The following AMMECR1 variants were observed in gnomAD, a reference collection of about 807,000 sequenced individuals.
AMMECR1 encodes AMMECR nuclear protein 1.
In AMMECR1, 3 loss-of-function variants were observed where a neutral mutation model predicts 22.5. The ratio of observed to expected loss-of-function variants is 0.13; its 90% CI spans 0.06 to 0.35. The LOEUF is 0.35. AMMECR1 is among the 10% of genes least tolerant of loss of function. The pLI, the probability that AMMECR1 is intolerant of heterozygous loss-of-function variation, is 1.00. For missense variants in AMMECR1, 235 were observed against 278.7 expected, an observed-to-expected ratio of 0.84 and a Z score of 1.12; for synonymous variants, 130 against 116.7, an observed-to-expected ratio of 1.11 and a Z score of -0.74.
chrX:110,367,940 T>C (rs2068308495), intron 2 of AMMECR1, among the ~76,000 whole-genome samples: 1 of 108,536 alleles, frequency 9.2e-6, no homozygotes, highest in Non-Finnish European at 1.9e-5. Flanking sequence ...TTCCCAGTAG[T>C]TGGAACTACA....
intron 1 of AMMECR1, among the ~76,000 whole-genome samples, chrX:110,435,388 G>A (rs183458197): frequency 6.2e-5 from 7 of 112,303 alleles, no homozygotes; most frequent in Admixed American, 9.3e-5. Context: ...CACTGACTGC[G>A]TCTCCACTGC....
chrX:110,273,252 G>T (rs2067808797), intron 1 of AMMECR1, among the ~76,000 whole-genome samples: 1 of 111,593 alleles, frequency 9.0e-6, no homozygotes, highest in African/African-American at 3.3e-5. Flanking sequence ...TTTGCATGAA[G>T]ATTCGCGATG....
chrX:110,233,695 G>A (rs753019719), intron 2 of AMMECR1, among the ~76,000 whole-genome samples: 14 of 112,129 alleles, frequency 1.2e-4, no homozygotes, highest in African/African-American at 3.9e-4. Context: ...ATCAATAAAC[G>A]TAATCCATTA....
At chrX:110,342,917 G>A (rs546636330) in intron 2 of AMMECR1, among the ~76,000 whole-genome samples, 321 of 111,679 alleles carry the variant, frequency 2.9e-3, no homozygotes, top group African/African-American at 9.8e-3. Context: ...AGGGGTACAA[G>A]GAGGAGCTGG....
At chrX:110,435,465 C>A (rs894623593) in intron 1 of AMMECR1, among the ~76,000 whole-genome samples, 8 of 112,085 alleles carry the variant, frequency 7.1e-5, no homozygotes, top group African/African-American at 2.6e-4. Context: ...CACAGCTGGT[C>A]TCCTAGGAGT....
chrX:110,249,840 CA>C (rs934261190), intron 2 of AMMECR1, among the ~76,000 whole-genome samples: 3 of 110,793 alleles, frequency 2.7e-5, no homozygotes, highest in African/African-American at 9.9e-5. Flanking sequence ...GCAGAGGTTG[CA>C]GTGAGCTGAG....
At chrX:110,308,014 C>T (rs777889263) in intron 1 of AMMECR1, among the ~76,000 whole-genome samples, 1 of 107,849 alleles carries the variant, frequency 9.3e-6, no homozygotes, top group Non-Finnish European at 1.9e-5. Flanking sequence ...GGACTACAGG[C>T]GCATGCCATC....
chrX:110,282,729 G>A lies in AMMECR1; in HGVS notation c.474-18130C>T, dbSNP rs762051374. ...AAATGTAAGATTATGGTGCTGATGG[G>A]GTACACCATGAGAGATTATGCCTTG... On this transcript the variant is annotated intron_variant, in intron 1 of 5. Coordinates refer to ENST00000262844, the MANE Select transcript of AMMECR1 (RefSeq NM_015365.3). Among the ~76,000 whole-genome samples the A allele has an allele frequency of 7.2e-5, 8 of 111,482 alleles. 1 individual carries two copies. Among genetic ancestry groups the A allele is most frequent in the African/African-American group, 2.6e-4 (8 of 30,669 alleles).
At chrX:110,213,134 A>T (rs1340578948) in intron 3 of AMMECR1, among the ~76,000 whole-genome samples, 1 of 112,194 alleles carries the variant, frequency 8.9e-6, no homozygotes, top group Non-Finnish European at 1.9e-5. Flanking sequence ...TGCCATTTTA[A>T]CAATTTTAAA....
chrX:110,324,410 A>G (rs1179557559), intron 2 of AMMECR1, among the ~76,000 whole-genome samples: 1 of 111,417 alleles, frequency 9.0e-6, no homozygotes, highest in Non-Finnish European at 1.9e-5. Flanking sequence ...GTGTCATCTG[A>G]TAGTTTTACT....
intron 2 of AMMECR1, among the ~76,000 whole-genome samples, chrX:110,405,153 A>AGG (rs1159220967): frequency 1.0e-5 from 1 of 97,890 alleles, no homozygotes; most frequent in African/African-American, 3.7e-5. Context: ...ATTTTCTAAG[A>AGG]GGTGCTGTTG....
intron 1 of AMMECR1, among the ~76,000 whole-genome samples, chrX:110,437,330 A>G (rs2068846036): frequency 8.9e-6 from 1 of 112,190 alleles, no homozygotes; most frequent in Admixed American, 9.4e-5. Flanking sequence ...ATTTTTATTA[A>G]GCATTTCCTT....
chrX:110,389,444 C>A (rs2068479829), intron 2 of AMMECR1, among the ~76,000 whole-genome samples: 1 of 112,128 alleles, frequency 8.9e-6, no homozygotes, highest in Non-Finnish European at 1.9e-5. Context: ...CCACTTAGGT[C>A]TGCCACAAGT....
intron 2 of AMMECR1, among the ~76,000 whole-genome samples, chrX:110,403,566 C>T (rs770594234): frequency 9.0e-6 from 1 of 111,345 alleles, no homozygotes; most frequent in Non-Finnish European, 1.9e-5. Flanking sequence ...ACAGGCTCTG[C>T]CCACATTCTG....
intron 2 of AMMECR1, among the ~76,000 whole-genome samples, chrX:110,232,889 C>CAAAAAAAAAAAAAAAAAA (rs775605567): frequency 1.7e-4 from 2 of 11,917 alleles, no homozygotes; most frequent in Non-Finnish European, 2.7e-4. Context: ...GACTCAGTCT[C>CAAAAAAAAAAAAAAAAAA]AAAAAAAAAA....
At chrX:110,205,165 G>C (rs1331658399) in intron 3 of AMMECR1, among the ~76,000 whole-genome samples, 1 of 111,156 alleles carries the variant, frequency 9.0e-6, no homozygotes, top group Non-Finnish European at 1.9e-5. Context: ...GTTACCTCTT[G>C]AGCAACAGCA....
At chrX:110,252,826 C>T (rs2067692763) in intron 2 of AMMECR1, among the ~76,000 whole-genome samples, 1 of 112,559 alleles carries the variant, frequency 8.9e-6, no homozygotes, top group Non-Finnish European at 1.9e-5. Flanking sequence ...GAAAGACTCA[C>T]AAATATACAA....
chrX:110,270,697 C>A (rs2067794200), intron 1 of AMMECR1, among the ~76,000 whole-genome samples: 1 of 111,866 alleles, frequency 8.9e-6, no homozygotes, highest in African/African-American at 3.3e-5. Flanking sequence ...GAAACACTAG[C>A]CCCAATTTAT....
intron 1 of AMMECR1, among the ~76,000 whole-genome samples, chrX:110,429,859 A>T (rs1472691844): frequency 8.9e-6 from 1 of 112,369 alleles, no homozygotes; most frequent in African/African-American, 3.2e-5. Flanking sequence ...TACATGTAAA[A>T]CTTATTTTAT....
Sources: gnomAD v4.1 joint callset for allele counts (sites outside exome capture counted in the v4.1 genomes callset) on GRCh38, gnomAD v4.1.1 for gene constraint, MANE v1.5 for transcripts, NCBI Gene and HGNC (gene_info 2026-07-23, HGNC 2026-07-21) for gene names.